EPHA6: variants seen among roughly 807,000 people sequenced by gnomAD.
The protein encoded by EPHA6 is EPH receptor A6.
Under a neutral mutation model 112.0 loss-of-function variants are expected in EPHA6, and 50 were observed. The ratio of observed to expected loss-of-function variants is 0.45; its 90% CI spans 0.36 to 0.56. EPHA6 has a LOEUF of 0.56. Among genes scored for constraint, EPHA6 ranks in the 20% least tolerant of loss-of-function variants. The probability of loss-of-function intolerance (pLI) is 0.00; values close to 1 mark genes in which losing one functional copy is unlikely to be tolerated. For synonymous variants in EPHA6, 529 were observed against 490.7 expected, an observed-to-expected ratio of 1.08 and a Z score of -1.03; for missense variants, 1,280 against 1,417.4, an observed-to-expected ratio of 0.90 and a Z score of 1.56.
chr3:97,746,055 CTT>C (rs2035701813), intron 16 of EPHA6, among the ~76,000 whole-genome samples: 1 of 151,818 alleles, frequency 6.6e-6, no homozygotes, highest in Non-Finnish European at 1.5e-5. Flanking sequence ...GGTAAAAACA[CTT>C]TGATAAAACA....
intron 5 of EPHA6, among the ~76,000 whole-genome samples, chr3:97,362,296 T>A (rs2084414115): frequency 6.6e-6 from 1 of 152,154 alleles, no homozygotes; most frequent in African/African-American, 2.4e-5. Context: ...TCAGCTTATT[T>A]ATGAGCATGC....
chr3:97,681,480 T>G (rs902840269), intron 14 of EPHA6, among the ~76,000 whole-genome samples: 1 of 152,076 alleles, frequency 6.6e-6, no homozygotes, highest in African/African-American at 2.4e-5. Flanking sequence ...TCAGGAATAT[T>G]AAATTCATTA....
intron 11 of EPHA6, chr3:97,559,442 G>A (rs1471063548): frequency 3.2e-6 from 1 of 307,992 alleles, no homozygotes; most frequent in East Asian, 9.0e-5. Context: ...AAGAAAAACA[G>A]TTGGGAGCCA....
intron 3 of EPHA6, among the ~76,000 whole-genome samples, chr3:97,084,568 C>A (rs985457208): frequency 9.1e-4 from 139 of 151,996 alleles, no homozygotes; most frequent in African/African-American, 2.9e-3. Context: ...GATACAAAAT[C>A]AATGTATGAA....
At chr3:97,083,613 C>T (rs1326359531) in intron 3 of EPHA6, among the ~76,000 whole-genome samples, 1 of 151,828 alleles carries the variant, frequency 6.6e-6, no homozygotes, top group Non-Finnish European at 1.5e-5. Context: ...TTTTTCTACT[C>T]CGAATCTTGT....
chr3:97,330,613 A>G (rs1339989288), intron 5 of EPHA6, among the ~76,000 whole-genome samples: 5 of 152,096 alleles, frequency 3.3e-5, no homozygotes, highest in African/African-American at 1.2e-4. Flanking sequence ...CTGCTAAAAC[A>G]GACTTTAAAC....
At chr3:97,400,883 CTTTCCAATTTGGA>C (rs2086955003) in intron 5 of EPHA6, among the ~76,000 whole-genome samples, 1 of 151,666 alleles carries the variant, frequency 6.6e-6, no homozygotes, top group African/African-American at 2.4e-5. Context: ...TTACTTCCTC[CTTTCCAATTTGGA>C]TACCTTCTCT....
chr3:97,640,707 G>C (rs2093995424), intron 14 of EPHA6, among the ~76,000 whole-genome samples: 1 of 152,114 alleles, frequency 6.6e-6, no homozygotes, highest in African/African-American at 2.4e-5. Context: ...TTGAACCCAG[G>C]AGGCGGAGGT....
chr3:97,183,367 T>C (rs145571070), intron 3 of EPHA6, among the ~76,000 whole-genome samples: 1 of 152,274 alleles, frequency 6.6e-6, no homozygotes, highest in African/African-American at 2.4e-5. Context: ...GAGGTACAAC[T>C]ATAAATTCCA....
chr3:96,977,212 C>T (rs774908296), intron 2 of EPHA6, among the ~76,000 whole-genome samples: 3 of 152,118 alleles, frequency 2.0e-5, no homozygotes, highest in Non-Finnish European at 4.4e-5. Context: ...TAAGTTTGGT[C>T]TAATTTAAAG....
chr3:97,380,961 A>T (rs2085693313), intron 5 of EPHA6, among the ~76,000 whole-genome samples: 1 of 152,092 alleles, frequency 6.6e-6, no homozygotes, highest in Admixed American at 6.6e-5. Context: ...ACTTTCTCTC[A>T]TATAGATGCT....
intron 10 of EPHA6, among the ~76,000 whole-genome samples, chr3:97,524,208 A>G (rs936208754): frequency 6.6e-6 from 1 of 151,884 alleles, no homozygotes; most frequent in Non-Finnish European, 1.5e-5. Context: ...GTATTTTTGT[A>G]GTAATATGCT....
chr3:97,717,876 A>G (rs1183476712), intron 14 of EPHA6, among the ~76,000 whole-genome samples: 1 of 152,252 alleles, frequency 6.6e-6, no homozygotes, highest in African/African-American at 2.4e-5. Flanking sequence ...ATATGTGAAT[A>G]ATTTATATGA....
intron 1 of EPHA6, among the ~76,000 whole-genome samples, chr3:96,822,922 A>G (rs1213768012): frequency 2.6e-5 from 4 of 151,638 alleles, no homozygotes. Flanking sequence ...TAAAAAGTAT[A>G]GAAACTTGCC....
intron 3 of EPHA6, among the ~76,000 whole-genome samples, chr3:97,054,678 TAAG>T (rs1470349408): frequency 3.3e-5 from 5 of 150,678 alleles, no homozygotes; most frequent in Admixed American, 7.0e-5. Context: ...CAATCAATAA[TAAG>T]AAAGAAATAT....
chr3:97,537,594 T>C (rs1400630138), intron 11 of EPHA6, among the ~76,000 whole-genome samples: 3 of 151,828 alleles, frequency 2.0e-5, no homozygotes, highest in African/African-American at 7.3e-5. Flanking sequence ...TGTTTGTTTG[T>C]TTGAGACGGA....
At chr3:97,417,643 G>C (rs930660042) in intron 6 of EPHA6, among the ~76,000 whole-genome samples, 3 of 152,102 alleles carry the variant, frequency 2.0e-5, no homozygotes, top group African/African-American at 7.2e-5. Context: ...GGAGGGGAAA[G>C]ATGGCTGTCA....
chr3:97,559,311 G>C (rs1281336540), intron 11 of EPHA6, among the ~76,000 whole-genome samples: 1 of 151,980 alleles, frequency 6.6e-6, no homozygotes, highest in Non-Finnish European at 1.5e-5. Context: ...CATATGAATT[G>C]GCATTGATAA....
chr3:97,340,384 A>G (rs371129593), intron 5 of EPHA6, among the ~76,000 whole-genome samples: 1 of 152,174 alleles, frequency 6.6e-6, no homozygotes, highest in East Asian at 1.9e-4. Context: ...TTTGGTTTAT[A>G]TAAGAGTTTA....
Sources: allele counts gnomAD v4.1 joint callset (sites outside exome capture counted in the v4.1 genomes callset), GRCh38; gene constraint gnomAD v4.1.1; transcripts MANE v1.5; gene names NCBI Gene and HGNC (gene_info 2026-07-23, HGNC 2026-07-21).